UBQLN3: variants seen among roughly 807,000 people sequenced by gnomAD.
UBQLN3 encodes ubiquilin 3, also known as ubiquilin-3.
In UBQLN3, 1 loss-of-function variant was observed where a neutral mutation model predicts 2.9. That is an observed-to-expected ratio of 0.35 (90% CI 0.12 to 1.66). The LOEUF is 1.66. Ranked by LOEUF, UBQLN3 falls within the 40% of genes most tolerant of loss-of-function variation. The pLI is 0.35. For synonymous variants in UBQLN3, 358 were observed against 317.6 expected, an observed-to-expected ratio of 1.13 and a Z score of -1.35; for missense variants, 924 against 816.5, an observed-to-expected ratio of 1.13 and a Z score of -1.61.
At position 5,508,821 on chromosome 11, in the gene UBQLN3, G is replaced by A. The variant is rs1846427367; in HGVS notation, c.738C>T (p.Ser246=). Residue 246 remains serine (S), a synonymous_variant, in exon 2 of 2, where the codon AGC becomes AGT. Transcript: ENST00000311659. The surrounding 1 kb of genome is among the most constrained non-coding windows in gnomAD (Gnocchi z 4.2). The part of the protein sequence containing the change: ...SQDRVLSNLE[S]IPGGYNVLCT... ...AAAGCACATTGTAGCCACCAGGAATGCTCTCCAAGTTACTGAGCACCCGGT... is the reference window on the plus strand; with the variant it reads ...AAAGCACATTGTAGCCACCAGGAATACTCTCCAAGTTACTGAGCACCCGGT... The A allele has an allele frequency of 6.2e-7, 1 of 1,614,066 alleles. No homozygotes were observed. The highest frequency in any genetic ancestry group is 1.1e-5 in the South Asian group (1 of 91,080).
At position 5,508,473 on chromosome 11, in the gene UBQLN3, C is replaced by A. The variant is rs1197672123; in HGVS notation, c.1086G>T (p.Gly362=). 1.2e-6 allele frequency: 2 copies of A among 1,613,064 alleles called. No homozygotes were observed. The highest frequency in any genetic ancestry group is 3.3e-5 in the Admixed American group (2 of 59,942). Residue 362 remains glycine, a synonymous_variant, in exon 2 of 2, where the codon GGG becomes GGT. Transcript: ENST00000311659. The surrounding 1 kb of genome is among the most constrained non-coding windows in gnomAD (Gnocchi z 4.2). ...NPQSLGTYLQ[G]TASALSQSQE... ...GGCTTTGGCTGAGGGCAGATGCAGT[C>A]CCCTGTAGATAAGTTCCTAGGGACT...
At position 5,509,109 on chromosome 11, in the gene UBQLN3, G is replaced by A. The variant is rs781260845; in HGVS notation, c.450C>T (p.Phe150=). The A allele has an allele frequency of 1.9e-6, 3 of 1,614,154 alleles. No homozygotes were observed. The highest frequency in any genetic ancestry group is 1.1e-5 in the South Asian group (1 of 91,078). The part of the protein sequence containing the change: ...LSRLGLAYRG[F]PDQPSSLMRQ... ...GCATCAGGGAGCTTGGCTGGTCAGG[G>A]AAGCCACGATAGGCCAAGCCCAGCC... Residue 150 remains phenylalanine, a synonymous_variant, in exon 2 of 2, where the codon TTC becomes TTT. Coordinates refer to ENST00000311659, the MANE Select transcript of UBQLN3 (RefSeq NM_017481.4).
chr11:5,509,910 G>A lies in UBQLN3; in HGVS notation c.-73C>T. 1.9e-5 allele frequency: 4 copies of A among 213,222 alleles called. No homozygotes were observed. The South Asian group carries it at 3.7e-4, about 20-fold the overall frequency. The allele number at this position is 213,222 out of a possible 1,614,324, so 13.2% of individuals were successfully genotyped here. A position where few individuals can be genotyped will look rare whatever the true frequency, so the allele number is the denominator to read the frequency against. ...GGTCCCGTCCTTCTCTTTATGCAGG[G>A]CTCCAAACCTCCCTCATCTTGCTAC... On this transcript the variant is annotated 5_prime_UTR_variant, in exon 1 of 2. Coordinates refer to ENST00000311659, the MANE Select transcript of UBQLN3 (RefSeq NM_017481.4).
At position 5,507,483 on chromosome 11, in the gene UBQLN3, AG is replaced by A. The variant is rs1846393540; in HGVS notation, c.*107del. ...TTGCCTCCACAGCAAAGGACTTCAT[AG>A]TAAATTTGGTTTATAATGCAGCTGT... On this transcript the variant is annotated 3_prime_UTR_variant, in exon 2 of 2. Coordinates refer to ENST00000311659, the MANE Select transcript of UBQLN3 (RefSeq NM_017481.4). The A allele has an allele frequency of 6.7e-7, 1 of 1,503,724 alleles. No individual in the cohort carries two copies. 93.1% of individuals were successfully genotyped at this position (1,503,724 alleles called of 1,614,324 possible).
chr11:5,509,621 G>T, intron 1 of UBQLN3, 27 bp from the exon 2 acceptor site: 1 of 1,543,912 alleles, frequency 6.5e-7, no homozygotes, highest in Non-Finnish European at 8.7e-7. Context: ...TGGAGACCAA[G>T]ATCATCCTTT....
chr11:5,509,576 C>T lies in UBQLN3; in HGVS notation c.-18G>A, dbSNP rs776306501. On this transcript the variant is annotated 5_prime_UTR_variant, in exon 2 of 2. Coordinates refer to ENST00000311659, the MANE Select transcript of UBQLN3 (RefSeq NM_017481.4). ...TTGGCCATGGTGGCAGCAGGAGGCC[C>T]AGATCTGTGGGGACACAGCTAGGGG... is the stretch of plus-strand genomic sequence containing the variant. 3.1e-6 allele frequency: 5 copies of T among 1,606,392 alleles called. No individual in the cohort carries two copies. The highest frequency in any genetic ancestry group is 2.2e-5 in the South Asian group (2 of 89,744).
rs149894575 is a variant in UBQLN3, at chr11:5,508,008, G to A, written c.1551C>T (p.Asn517=). The change falls in exon 2 of 2, where the codon AAC becomes AAT. Residue 517 remains asparagine, a synonymous_variant. Transcript: ENST00000311659. The surrounding 1 kb of genome is among the most constrained non-coding windows in gnomAD (Gnocchi z 4.2). ...GCCGCAGGGCTTGCAGGGCACGGGG[G>A]TTTGCCATGGCTGCCTGAAGGTGCA... The part of the protein sequence containing the change: ...LLMHLQAAMA[N]PRALQALRQI... The A allele has an allele frequency of 2.3e-5, 37 of 1,614,080 alleles. No homozygotes were observed. In the African/African-American group the frequency reaches 3.7e-4, roughly 16 times the overall value.
In UBQLN3 at chr11:5,508,737, G is replaced by C; in HGVS notation, c.822C>G (p.Gly274=). The change falls in exon 2 of 2, where the codon GGC becomes GGG. Residue 274 remains glycine (G), a synonymous_variant. Coordinates refer to ENST00000311659, the MANE Select transcript of UBQLN3 (RefSeq NM_017481.4). The surrounding 1 kb of genome is among the most constrained non-coding windows in gnomAD (Gnocchi z 4.2). ...TAGTGGCAGTGGCAAAGGGATTGCC[G>C]CCAAACTGCTCCTGGACTGCGTTAA... ...PMLNAVQEQF[G]GNPFATATTD... 6.2e-7 allele frequency: 1 copy of C among 1,613,840 alleles called. No individual in the cohort carries two copies. The highest frequency in any genetic ancestry group is 2.2e-5 in the East Asian group (1 of 44,850).
In UBQLN3 at chr11:5,508,313, G is replaced by A. The variant is rs753077189; in HGVS notation, c.1246C>T (p.Pro416Ser). ...RSSCPAFLRY[P>S]TENSTGQGGD... ...CCTTGTCCAGTACTGTTCTCTGTGG[G>A]GTATCTCAGGAAAGCTGGGCAGGAG... The change falls in exon 2 of 2, where the codon CCC (proline) becomes TCC (serine). Residue 416 changes from proline to serine, a missense_variant. Coordinates refer to ENST00000311659, the MANE Select transcript of UBQLN3 (RefSeq NM_017481.4). The surrounding 1 kb of genome is among the most constrained non-coding windows in gnomAD (Gnocchi z 4.2). 12 of 1,610,594 alleles carry A rather than the reference G, an allele frequency of 7.5e-6. No homozygotes were observed. In the African/African-American group the frequency reaches 1.5e-4, roughly 20 times the overall value.
Position 5,508,472 on chromosome 11 carries a change from T to C in UBQLN3, c.1087A>G (p.Thr363Ala). ...TGGCTTTGGCTGAGGGCAGATGCAG[T>C]CCCCTGTAGATAAGTTCCTAGGGAC... ...PQSLGTYLQG[T>A]ASALSQSQEP... is the part of the protein sequence containing the mutation. The change falls in exon 2 of 2, where the codon ACT becomes GCT. Residue 363 changes from threonine to alanine, a missense_variant. Coordinates refer to ENST00000311659, the MANE Select transcript of UBQLN3 (RefSeq NM_017481.4). The surrounding 1 kb of genome is among the most constrained non-coding windows in gnomAD (Gnocchi z 4.2). 6.2e-7 allele frequency: 1 copy of C among 1,613,024 alleles called. No individual in the cohort carries two copies. Among genetic ancestry groups the C allele is most frequent in the African/African-American group, 1.3e-5 (1 of 74,956 alleles).
In UBQLN3 at chr11:5,507,467, C is replaced by T; in HGVS notation, c.*124G>A. ...TGACTCTGGAACAACATTGCCTCCA[C>T]AGCAAAGGACTTCATAGTAAATTTG... On this transcript the variant is annotated 3_prime_UTR_variant, in exon 2 of 2. Transcript: ENST00000311659. 2 of 1,484,138 alleles carry T rather than the reference C, an allele frequency of 1.3e-6. No individual in the cohort carries two copies. Among genetic ancestry groups the T allele is most frequent in the Non-Finnish European group, 1.8e-6 (2 of 1,118,460 alleles). 91.9% of individuals were successfully genotyped at this position (1,484,138 alleles called of 1,614,324 possible).
rs1757228175 is a variant in UBQLN3 at position 5,508,344 on chromosome 11, T to C, written c.1215A>G (p.Gly405=). The change falls in exon 2 of 2, where the codon GGA becomes GGG. Residue 405 remains glycine (G), a synonymous_variant. Transcript: ENST00000311659. This position sits in a 1 kb window ranked among gnomAD's most constrained non-coding sequence, Gnocchi z 4.2. The stretch of plus-strand genomic sequence containing the variant: ...TCAGGAAAGCTGGGCAGGAGGACCT[T>C]CCCTTGATTGCTACTGACTCCTCGG... ...PLPEESVAIK[G]RSSCPAFLRY... is the part of the protein sequence containing the mutation. 6.2e-7 allele frequency: 1 copy of C among 1,608,124 alleles called. No homozygotes were observed. The highest frequency in any genetic ancestry group is 1.1e-5 in the South Asian group (1 of 90,768).
rs747315881 is a variant in UBQLN3 at position 5,509,398 on chromosome 11, A to G, written c.161T>C (p.Phe54Ser). ...QQLKEEISQRFKAHPDQLVLI... is the reference protein window; with the variant it reads ...QQLKEEISQRSKAHPDQLVLI... ...AACAAGCTGATCGGGGTGGGCCTTA[A>G]AGCGCTGAGATATCTCTTCCTTCAG... Residue 54 changes from phenylalanine to serine, a missense_variant, in exon 2 of 2, where the codon TTT becomes TCT. Coordinates refer to ENST00000311659, the MANE Select transcript of UBQLN3 (RefSeq NM_017481.4). The G allele has an allele frequency of 1.9e-6, 3 of 1,614,070 alleles. No individual in the cohort carries two copies. The African/African-American group carries it at 4.0e-5, about 22-fold the overall frequency.
chr11:5,508,370 G>T lies in UBQLN3; in HGVS notation c.1189C>A (p.Pro397Thr). 6.2e-7 allele frequency: 1 copy of T among 1,604,424 alleles called. No individual in the cohort carries two copies. The change falls in exon 2 of 2, where the codon CCC becomes ACC. Residue 397 changes from proline (P) to threonine (T), a missense_variant. Transcript: ENST00000311659. The surrounding 1 kb of genome is among the most constrained non-coding windows in gnomAD (Gnocchi z 4.2). ...SQEPGSGQPL[P>T]EESVAIKGRS... ...CCCTTGATTGCTACTGACTCCTCGGGGAGAGGCTGGCCTGACCCAGGCTCC... is the reference window on the plus strand; with the variant it reads ...CCCTTGATTGCTACTGACTCCTCGGTGAGAGGCTGGCCTGACCCAGGCTCC...
At position 5,508,410 on chromosome 11, in the gene UBQLN3, C is replaced by A. The variant is rs2234452; in HGVS notation, c.1149G>T (p.Ser383=). The change falls in exon 2 of 2, where the codon TCG becomes TCT. Residue 383 remains serine, a synonymous_variant. Transcript: ENST00000311659. This position sits in a 1 kb window ranked among gnomAD's most constrained non-coding sequence, Gnocchi z 4.2. ...PPPSVNRVPP[S]SPSSQEPGSG... Reference sequence around the variant, plus strand: ...ACCCAGGCTCCTGAGATGAGGGTGACGATGGGGGAACTCTGTTTACTGATG... The same window carrying A: ...ACCCAGGCTCCTGAGATGAGGGTGAAGATGGGGGAACTCTGTTTACTGATG... 12 of 1,601,298 alleles carry A rather than the reference C, an allele frequency of 7.5e-6. No individual in the cohort carries two copies. Among genetic ancestry groups the A allele is most frequent in the South Asian group, 1.1e-5 (1 of 88,728 alleles).
rs775104735 is a variant in UBQLN3, at chr11:5,508,698, G to A, written c.861C>T (p.Thr287=). Residue 287 remains threonine, a synonymous_variant, in exon 2 of 2, where the codon ACC becomes ACT. Transcript: ENST00000311659. The surrounding 1 kb of genome is among the most constrained non-coding windows in gnomAD (Gnocchi z 4.2). ...TCCTTGAAGGTTGGCTGGTGGTGGT[G>A]GTGGCATTATCAGTAGTGGCAGTGG... is the stretch of plus-strand genomic sequence containing the variant. ...PFATATTDNA[T]TTTSQPSRME... 1.2e-6 allele frequency: 2 copies of A among 1,614,016 alleles called. No homozygotes were observed. Among genetic ancestry groups the A allele is most frequent in the South Asian group, 1.1e-5 (1 of 91,068 alleles).
intron 1 of UBQLN3, 105 bp from the exon 2 acceptor site, chr11:5,509,699 C>T: frequency 7.3e-7 from 1 of 1,374,366 alleles, no homozygotes; most frequent in East Asian, 2.5e-5. Context: ...GGGAAATCTG[C>T]AGGGTCTACA....
At position 5,509,058 on chromosome 11, in the gene UBQLN3, A is replaced by C; in HGVS notation, c.501T>G (p.Phe167Leu). The change falls in exon 2 of 2, where the codon TTT becomes TTG. Residue 167 changes from phenylalanine (F) to leucine (L), a missense_variant. Phe to Leu is a conservative substitution (Grantham distance 22). Coordinates refer to ENST00000311659, the MANE Select transcript of UBQLN3 (RefSeq NM_017481.4). ...AGGGGTCATCAATGAGCTGAGTCAC[A>C]AACTCAGGCACAGACACATGCTGCC... is the stretch of plus-strand genomic sequence containing the variant. ...LMRQHVSVPE[F>L]VTQLIDDPFI... The C allele has an allele frequency of 6.2e-7, 1 of 1,614,174 alleles. No homozygotes were observed. The highest frequency in any genetic ancestry group is 1.1e-5 in the South Asian group (1 of 91,084).
rs1461024757 is a variant in UBQLN3 at position 5,509,174 on chromosome 11, G to C, written c.385C>G (p.Pro129Ala). 2 of 1,613,800 alleles carry C rather than the reference G, an allele frequency of 1.2e-6. No individual in the cohort carries two copies. The highest frequency in any genetic ancestry group is 2.2e-5 in the East Asian group (1 of 44,876). ...AGGAGACCTAAGCTAAAGGCAGGGG[G>C]CCCATCTGCTGGGTAAATGGAGCTT... is the stretch of plus-strand genomic sequence containing the variant. Reference protein sequence around the residue: ...QPSSIYPADGPPAFSLGLLTG... With the variant: ...QPSSIYPADGAPAFSLGLLTG... Residue 129 changes from proline to alanine, a missense_variant, in exon 2 of 2, where the codon CCC becomes GCC. Coordinates refer to ENST00000311659, the MANE Select transcript of UBQLN3 (RefSeq NM_017481.4).
Sources: gnomAD v4.1 joint callset for allele counts on GRCh38, gnomAD v4.1.1 for gene constraint, Gnocchi (gnomAD v3.1) non-coding constraint, MANE v1.5 for transcripts, NCBI Gene and HGNC (gene_info 2026-07-23, HGNC 2026-07-21) for gene names.